The following ARHGAP18 variants were observed in gnomAD, a reference collection of about 807,000 sequenced individuals.
ARHGAP18 encodes Rho GTPase activating protein 18, also known as rho GTPase-activating protein 18.
In ARHGAP18, 67 loss-of-function variants were observed where a neutral mutation model predicts 86.2. The observed-to-expected ratio is 0.78, with a 90% confidence interval of 0.64 to 0.95. The LOEUF (loss-of-function observed/expected upper bound fraction) is 0.95, where lower values mean the gene tolerates loss of function less well. Among genes scored for constraint, ARHGAP18 ranks in the 40% least tolerant of loss-of-function variants. The pLI, the probability that ARHGAP18 is intolerant of heterozygous loss-of-function variation, is 0.00. For synonymous variants in ARHGAP18, 283 were observed against 280.4 expected, an observed-to-expected ratio of 1.01 and a Z score of -0.09; for missense variants, 691 against 780.4, an observed-to-expected ratio of 0.89 and a Z score of 1.37.
chr6:129,622,568 T>C (rs1789251988), intron 5 of ARHGAP18, among the ~76,000 whole-genome samples: 1 of 152,216 alleles, frequency 6.6e-6, no homozygotes, highest in Non-Finnish European at 1.5e-5. Context: ...GTTTAATTCA[T>C]AGCAGCAGCT....
At chr6:129,656,611 T>A (rs1773842336) in intron 1 of ARHGAP18, among the ~76,000 whole-genome samples, 1 of 151,870 alleles carries the variant, frequency 6.6e-6, no homozygotes, top group African/African-American at 2.4e-5. Context: ...ACCACTGCAC[T>A]CCAGCCTGGG....
chr6:129,677,341 C>T (rs866032206), intron 1 of ARHGAP18, among the ~76,000 whole-genome samples: 3 of 151,684 alleles, frequency 2.0e-5, no homozygotes, highest in African/African-American at 7.3e-5. Flanking sequence ...TGCAGTGAGC[C>T]GAGATCGCAC....
chr6:129,629,606 C>A, intron 4 of ARHGAP18, 84 bp from the exon 5 acceptor site: 1 of 1,404,494 alleles, frequency 7.1e-7, no homozygotes, highest in Non-Finnish European at 9.6e-7. Context: ...TACATAAAAA[C>A]ATTTGGGAAG....
At chr6:129,645,107 T>C (rs773614512) in intron 1 of ARHGAP18, among the ~76,000 whole-genome samples, 3 of 152,182 alleles carry the variant, frequency 2.0e-5, no homozygotes, top group Admixed American at 6.5e-5. Flanking sequence ...CATTCAGTAA[T>C]AGACTACCCT....
At chr6:129,672,461 T>C (rs556554572) in intron 1 of ARHGAP18, among the ~76,000 whole-genome samples, 1 of 152,368 alleles carries the variant, frequency 6.6e-6, no homozygotes, top group African/African-American at 2.4e-5. Context: ...ATGTGTAACA[T>C]GGGTCTTGGT....
intron 1 of ARHGAP18, among the ~76,000 whole-genome samples, chr6:129,645,831 A>G: frequency 6.6e-6 from 1 of 152,154 alleles, no homozygotes; most frequent in East Asian, 1.9e-4. Context: ...GCCTTCCTGG[A>G]ATCTTCTTTT....
chr6:129,645,308 A>G (rs1773556050), intron 1 of ARHGAP18, among the ~76,000 whole-genome samples: 1 of 152,186 alleles, frequency 6.6e-6, no homozygotes, highest in South Asian at 2.1e-4. Flanking sequence ...CCAGTTAACT[A>G]GTTTCCTCTT....
intron 5 of ARHGAP18, among the ~76,000 whole-genome samples, chr6:129,623,144 A>T (rs1015329482): frequency 6.6e-6 from 1 of 151,896 alleles, no homozygotes; most frequent in Non-Finnish European, 1.5e-5. Flanking sequence ...TAGGATTTGC[A>T]TGAGGGGCCC....
At chr6:129,651,480 A>T (rs1363126837) in intron 1 of ARHGAP18, among the ~76,000 whole-genome samples, 1 of 152,180 alleles carries the variant, frequency 6.6e-6, no homozygotes, top group Non-Finnish European at 1.5e-5. Flanking sequence ...TGGGTGCCTT[A>T]TCACAGATGT....
intron 5 of ARHGAP18, among the ~76,000 whole-genome samples, chr6:129,619,615 AGGGGAGGGGAC>A (rs976365354): frequency 3.4e-5 from 2 of 58,670 alleles, no homozygotes; most frequent in Non-Finnish European, 6.8e-5. Context: ...GGGAAAATGA[AGGGGAGGGGAC>A]GGGAAGGGGA....
At chr6:129,631,414 A>G (rs1367538269) in intron 4 of ARHGAP18, among the ~76,000 whole-genome samples, 1 of 152,120 alleles carries the variant, frequency 6.6e-6, no homozygotes, top group African/African-American at 2.4e-5. Flanking sequence ...ACCGCATATC[A>G]AAGTTCTAGT....
chr6:129,704,158 C>T (rs1003757218), intron 1 of ARHGAP18, among the ~76,000 whole-genome samples: 6 of 152,096 alleles, frequency 3.9e-5, no homozygotes, highest in Non-Finnish European at 8.8e-5. Context: ...CAAAACTGAG[C>T]TTCAGGCCAG....
rs1276491093 is a variant in ARHGAP18, at chr6:129,710,052, C to T, written c.85G>A (p.Ala29Thr). 1 of 1,614,178 alleles carries T rather than the reference C, an allele frequency of 6.2e-7. No individual in the cohort carries two copies. Among genetic ancestry groups the T allele is most frequent in the South Asian group, 1.1e-5 (1 of 91,084 alleles). The change falls in exon 1 of 15, where the codon GCA (alanine) becomes ACA (threonine). Residue 29 changes from alanine to threonine, a missense_variant. Transcript: ENST00000368149. ...GKDQTVGNSHAKAGEEATSSR... is the reference protein window; with the variant it reads ...GKDQTVGNSHTKAGEEATSSR... Reference sequence around the variant, plus strand: ...GAGGTGGCTTCCTCCCCTGCCTTTGCATGGCTGTTCCCGACGGTCTGGTCC... The same window carrying T: ...GAGGTGGCTTCCTCCCCTGCCTTTGTATGGCTGTTCCCGACGGTCTGGTCC...
In ARHGAP18 at chr6:129,710,007, A is replaced by G. The variant is rs1196947611; in HGVS notation, c.113+17T>C. The G allele has an allele frequency of 6.2e-7, 1 of 1,602,762 alleles. No individual in the cohort carries two copies. The highest frequency in any genetic ancestry group is 1.7e-5 in the Admixed American group (1 of 59,978). ...GGTAAGAGGGTTTTGTTTTGTTTTC[A>G]GCTTCCGAAGGCTTACCTCGAGGTG... On this transcript the variant is annotated intron_variant, in intron 1 of 14. Coordinates refer to ENST00000368149, the MANE Select transcript of ARHGAP18 (RefSeq NM_033515.3).
chr6:129,687,789 A>T (rs1465607421), intron 1 of ARHGAP18, among the ~76,000 whole-genome samples: 1 of 151,532 alleles, frequency 6.6e-6, no homozygotes, highest in African/African-American at 2.4e-5. Context: ...GTAACCAAAC[A>T]TTTTTTTTTA....
At chr6:129,585,148 G>T (rs1316317843) in intron 12 of ARHGAP18, among the ~76,000 whole-genome samples, 4 of 6,228 alleles carry the variant, frequency 6.4e-4, no homozygotes, top group African/African-American at 3.4e-3. Context: ...AAAATTAGCT[G>T]GGTGTGGTGG....
chr6:129,696,675 C>T lies in ARHGAP18; in HGVS notation c.113+13349G>A, dbSNP rs1243130777. Among the ~76,000 whole-genome samples the T allele has an allele frequency of 3.9e-5, 6 of 152,080 alleles. No homozygotes were observed. The South Asian group carries it at 8.3e-4, about 21-fold the overall frequency. ...ATGAGGCATTTATGTTCGTGATGAA[C>T]GAAAAGATTATCCAATATAAAGTTA... is the stretch of plus-strand genomic sequence containing the variant. On this transcript the variant is annotated intron_variant, in intron 1 of 14. Transcript: ENST00000368149.
chr6:129,622,013 G>C (rs777684573), intron 5 of ARHGAP18, among the ~76,000 whole-genome samples: 5 of 152,128 alleles, frequency 3.3e-5, no homozygotes, highest in Non-Finnish European at 5.9e-5. Flanking sequence ...GATAGGTGTT[G>C]ATGTGGTACT....
At chr6:129,645,209 CT>C in intron 1 of ARHGAP18, among the ~76,000 whole-genome samples, 1 of 152,224 alleles carries the variant, frequency 6.6e-6, no homozygotes, top group Middle Eastern at 3.4e-3. Flanking sequence ...TGTGTTACTT[CT>C]TTTCTTTGTA....
Sources: gnomAD v4.1 joint callset for allele counts (sites outside exome capture counted in the v4.1 genomes callset) on GRCh38, gnomAD v4.1.1 for gene constraint, MANE v1.5 for transcripts, NCBI Gene and HGNC (gene_info 2026-07-23, HGNC 2026-07-21) for gene names.